RBFOX1: variants seen among roughly 807,000 people sequenced by gnomAD.
RBFOX1 encodes RNA binding fox-1 homolog 1.
Under a neutral mutation model 57.7 loss-of-function variants are expected in RBFOX1, and 8 were observed. The observed-to-expected ratio is 0.14, with a 90% CI of 0.08 to 0.25. The LOEUF (loss-of-function observed/expected upper bound fraction) is 0.25, where lower values mean the gene tolerates loss of function less well. RBFOX1 is among the 10% of genes least tolerant of loss of function. The pLI is 1.00. For synonymous variants in RBFOX1, 326 were observed against 222.4 expected (o/e 1.47, Z -4.15); for missense variants, 611 against 548.5 (o/e 1.11, Z -1.14).
chr16:6,910,078 C>T (rs768398969), intron 3 of RBFOX1, among the ~76,000 whole-genome samples: 1 of 152,068 alleles, frequency 6.6e-6, no homozygotes, highest in Non-Finnish European at 1.5e-5. Flanking sequence ...GGATATTGTG[C>T]CTGTACGTCC....
chr16:7,499,031 C>A (rs62011855), intron 4 of RBFOX1, among the ~76,000 whole-genome samples: 4 of 152,092 alleles, frequency 2.6e-5, no homozygotes, highest in Non-Finnish European at 5.9e-5. Flanking sequence ...CTAGGTCTTC[C>A]GTGACTAGCA....
At chr16:7,576,185 A>C (rs1035387626) in intron 5 of RBFOX1, among the ~76,000 whole-genome samples, 6 of 152,032 alleles carry the variant, frequency 3.9e-5, no homozygotes, top group Non-Finnish European at 7.4e-5. Flanking sequence ...TAGCCTGCCA[A>C]AGTGCTGGGA....
At position 6,727,121 on chromosome 16, in the gene RBFOX1, T is replaced by TGC. The variant is rs2067401295; in HGVS notation, c.-16+72472_-16+72473insCG. ...AGACACACATAAATATATGTGTGTG[T>TGC]GTGTATATATAAAACATGTATATAT... On this transcript the variant is annotated intron_variant, in intron 3 of 15. Transcript: ENST00000550418. 5.3e-5 allele frequency among the ~76,000 whole-genome samples: 3 copies of TGC among 56,536 alleles called. No homozygotes were observed. In the South Asian group the frequency reaches 4.6e-3, roughly 87 times the overall value. 37.1% of individuals were successfully genotyped at this position (56,536 alleles called of 152,430 possible). A position where few individuals can be genotyped will look rare whatever the true frequency, so the allele number is the denominator to read the frequency against.
intron 3 of RBFOX1, among the ~76,000 whole-genome samples, chr16:6,909,442 G>C (rs185248618): frequency 6.6e-6 from 1 of 152,178 alleles, no homozygotes; most frequent in East Asian, 1.9e-4. Flanking sequence ...GCAAGGTGAC[G>C]TATTCACACC....
At chr16:5,726,346 G>A (rs1008096802) in intron 3 of RBFOX1, among the ~76,000 whole-genome samples, 1 of 152,014 alleles carries the variant, frequency 6.6e-6, no homozygotes, top group African/African-American at 2.4e-5. Flanking sequence ...TGCTATGACC[G>A]GCCCTCTCTA....
intron 3 of RBFOX1, among the ~76,000 whole-genome samples, chr16:5,744,483 G>A (rs922914792): frequency 6.6e-6 from 1 of 152,108 alleles, no homozygotes; most frequent in Non-Finnish European, 1.5e-5. Context: ...TGGTTCATAT[G>A]GCATCATCGG....
At chr16:6,825,906 G>C (rs72766768) in intron 3 of RBFOX1, among the ~76,000 whole-genome samples, 2 of 152,136 alleles carry the variant, frequency 1.3e-5, no homozygotes, top group Non-Finnish European at 2.9e-5. Flanking sequence ...TTTAGGAATC[G>C]TGTGACTTTA....
At chr16:6,614,696 C>T (rs780211599) in intron 2 of RBFOX1, among the ~76,000 whole-genome samples, 8 of 152,226 alleles carry the variant, frequency 5.3e-5, no homozygotes, top group East Asian at 1.9e-4. Context: ...TGGTGTTCCT[C>T]GGCTTATGGG....
chr16:5,472,196 C>A (rs1394985053), intron 2 of RBFOX1, among the ~76,000 whole-genome samples: 2 of 152,122 alleles, frequency 1.3e-5, no homozygotes, highest in African/African-American at 2.4e-5. Flanking sequence ...GTTGGCAGCA[C>A]CCTCCTTTTT....
chr16:7,520,101 G>A (rs1014099301), intron 5 of RBFOX1, among the ~76,000 whole-genome samples: 3 of 152,040 alleles, frequency 2.0e-5, no homozygotes, highest in Non-Finnish European at 2.9e-5. Context: ...TATCCAGGAT[G>A]ATCTCAATCT....
intron 4 of RBFOX1, among the ~76,000 whole-genome samples, chr16:7,112,993 C>T (rs1567306059): frequency 6.6e-6 from 1 of 152,132 alleles, no homozygotes; most frequent in Non-Finnish European, 1.5e-5. Flanking sequence ...GTTGGTTGTT[C>T]TTACATGAAT....
chr16:5,901,641 T>C (rs1351299658), intron 4 of RBFOX1, among the ~76,000 whole-genome samples: 1 of 152,196 alleles, frequency 6.6e-6, no homozygotes, highest in African/African-American at 2.4e-5. Flanking sequence ...GGCTGCCATA[T>C]TGGAGAGTAA....
intron 3 of RBFOX1, among the ~76,000 whole-genome samples, chr16:7,013,136 G>A (rs955304929): frequency 5.3e-5 from 8 of 152,150 alleles, no homozygotes; most frequent in African/African-American, 1.9e-4. Flanking sequence ...CTGAGGGTTA[G>A]GGATTTCACA....
intron 3 of RBFOX1, among the ~76,000 whole-genome samples, chr16:6,954,049 A>G (rs1222507219): frequency 6.6e-6 from 1 of 152,160 alleles, no homozygotes; most frequent in Non-Finnish European, 1.5e-5. Context: ...TAATATGGCA[A>G]GAGAGAGAAC....
chr16:5,985,082 T>A (rs2060259745), intron 4 of RBFOX1, among the ~76,000 whole-genome samples: 1 of 148,404 alleles, frequency 6.7e-6, no homozygotes, highest in Admixed American at 6.7e-5. Flanking sequence ...GCTTCCCGGG[T>A]TCACACCATT....
At chr16:6,672,557 G>GAA (rs946558101) in intron 3 of RBFOX1, among the ~76,000 whole-genome samples, 1 of 151,706 alleles carries the variant, frequency 6.6e-6, no homozygotes, top group African/African-American at 2.4e-5. Context: ...GAAAAGAAAA[G>GAA]AAAAGAAAGA....
At chr16:7,228,322 G>C (rs1280760457) in intron 4 of RBFOX1, among the ~76,000 whole-genome samples, 4 of 152,102 alleles carry the variant, frequency 2.6e-5, no homozygotes, top group African/African-American at 9.7e-5. Flanking sequence ...TCACATATTA[G>C]GAGGAAAATC....
rs563090418 is a variant in RBFOX1, at chr16:7,708,694, C to T, written c.996-362C>T. ...GGCACTCTCTTGAGAATTAAAATACCCTCTGTGGGTGCTGGGCTTAATACT... is the reference window on the plus strand; with the variant it reads ...GGCACTCTCTTGAGAATTAAAATACTCTCTGTGGGTGCTGGGCTTAATACT... On this transcript the variant is annotated intron_variant, in intron 14 of 15. Coordinates refer to ENST00000550418, the MANE Select transcript of RBFOX1 (RefSeq NM_018723.4). Among the ~76,000 whole-genome samples the T allele has an allele frequency of 3.3e-5, 5 of 152,206 alleles. No individual in the cohort carries two copies. The South Asian group carries it at 1.0e-3, about 32-fold the overall frequency.
chr16:7,670,056 T>C (rs1224267770), intron 13 of RBFOX1, among the ~76,000 whole-genome samples: 2 of 152,170 alleles, frequency 1.3e-5, no homozygotes, highest in African/African-American at 2.4e-5. Flanking sequence ...TTGGGAGACA[T>C]AGCCTCCCTG....
Sources: allele counts gnomAD v4.1 joint callset (sites outside exome capture counted in the v4.1 genomes callset), GRCh38; gene constraint gnomAD v4.1.1; transcripts MANE v1.5; gene names NCBI Gene and HGNC (gene_info 2026-07-23, HGNC 2026-07-21).